Variants in NAA35 observed in about 807,000 individuals in gnomAD.
NAA35 encodes the protein N-alpha-acetyltransferase 35, NatC auxiliary subunit.
In NAA35, 18 loss-of-function variants were observed where a neutral mutation model predicts 101.7. The ratio of observed to expected loss-of-function variants is 0.18; its 90% CI spans 0.12 to 0.26. The LOEUF is 0.26. Ranked by LOEUF, NAA35 falls within the 10% of genes least tolerant of loss-of-function variation. The pLI, the probability that NAA35 is intolerant of heterozygous loss-of-function variation, is 1.00. For missense variants in NAA35, 601 were observed against 886.8 expected (o/e 0.68, Z 4.09); for synonymous variants, 267 against 273.1 (o/e 0.98, Z 0.22).
chr9:86,016,019 T>TTATA (rs145934950), intron 17 of NAA35, among the ~76,000 whole-genome samples: 5 of 150,336 alleles, frequency 3.3e-5, no homozygotes, highest in African/African-American at 4.9e-5. Context: ...ATATATATTT[T>TTATA]TATATATATA....
chr9:85,956,136 A>G (rs1829265305), intron 2 of NAA35, among the ~76,000 whole-genome samples: 1 of 152,090 alleles, frequency 6.6e-6, no homozygotes, highest in Non-Finnish European at 1.5e-5. Context: ...CAAAAGTATT[A>G]TTTTTTTCCT....
chr9:86,014,701 T>C (rs1832116271), intron 17 of NAA35, among the ~76,000 whole-genome samples: 1 of 152,220 alleles, frequency 6.6e-6, no homozygotes, highest in Non-Finnish European at 1.5e-5. Context: ...GTAATTCTCT[T>C]CCATGCTGTT....
rs1832589478 is a variant in NAA35 at position 86,022,118 on chromosome 9, A to G, written c.*158A>G. The G allele has an allele frequency of 2.3e-5, 13 of 572,722 alleles. No individual in the cohort carries two copies. The East Asian group carries it at 2.7e-4, about 12-fold the overall frequency. 35.5% of individuals were successfully genotyped at this position (572,722 alleles called of 1,614,324 possible). A position where few individuals can be genotyped will look rare whatever the true frequency, so the allele number is the denominator to read the frequency against. On this transcript the variant is annotated 3_prime_UTR_variant, in exon 23 of 23. Coordinates refer to ENST00000361671, the MANE Select transcript of NAA35 (RefSeq NM_024635.4). ...TTTTAGTTTGACAGCCTTATATGACATGAATGAAAACTGCTGTTTTAAAGT... is the reference window on the plus strand; with the variant it reads ...TTTTAGTTTGACAGCCTTATATGACGTGAATGAAAACTGCTGTTTTAAAGT...
chr9:85,955,487 C>T (rs993825205), intron 2 of NAA35, among the ~76,000 whole-genome samples: 5 of 150,128 alleles, frequency 3.3e-5, no homozygotes, highest in East Asian at 3.9e-4. Flanking sequence ...CTCAGCCTCC[C>T]GAGTAGCTGG....
intron 21 of NAA35, among the ~76,000 whole-genome samples, chr9:86,019,862 G>C (rs1458451797): frequency 1.3e-5 from 2 of 152,174 alleles, no homozygotes; most frequent in Non-Finnish European, 2.9e-5. Context: ...GAATATAAGA[G>C]TATTCATTGC....
intron 13 of NAA35, among the ~76,000 whole-genome samples, chr9:86,007,100 G>T (rs1831678496): frequency 6.6e-6 from 1 of 152,050 alleles, no homozygotes; most frequent in South Asian, 2.1e-4. Flanking sequence ...AGATTAGTCA[G>T]TTTATTTTGA....
At chr9:85,964,418 CCACAA>C (rs1486112275) in intron 6 of NAA35, among the ~76,000 whole-genome samples, 15 of 152,338 alleles carry the variant, frequency 9.8e-5, no homozygotes, top group African/African-American at 3.1e-4. Flanking sequence ...TCCTGCAGAA[CCACAA>C]CACAATTATC....
At chr9:86,008,546 T>C (rs1157430008) in intron 14 of NAA35, among the ~76,000 whole-genome samples, 1 of 152,216 alleles carries the variant, frequency 6.6e-6, no homozygotes. Context: ...GGTTATTCAT[T>C]GATCAGTGCA....
intron 4 of NAA35, among the ~76,000 whole-genome samples, chr9:85,959,203 C>T (rs765742757): frequency 6.6e-5 from 10 of 151,706 alleles, no homozygotes; most frequent in Non-Finnish European, 1.2e-4. Context: ...AGTGAAACCC[C>T]GTCTCTACTA....
chr9:85,955,428 TCTTGGCTCA>T (rs1397926064), intron 2 of NAA35, among the ~76,000 whole-genome samples: 2 of 143,896 alleles, frequency 1.4e-5, no homozygotes, highest in Non-Finnish European at 3.0e-5. Flanking sequence ...AGTGGCGTGA[TCTTGGCTCA>T]CTGCAAGCTC....
intron 11 of NAA35, among the ~76,000 whole-genome samples, chr9:85,989,677 A>C (rs1830815865): frequency 6.6e-6 from 1 of 152,180 alleles, no homozygotes; most frequent in Non-Finnish European, 1.5e-5. Context: ...TGAGACATAA[A>C]TGGAAAAGCT....
chr9:85,955,358 A>C (rs66495704), intron 2 of NAA35, among the ~76,000 whole-genome samples: 1 of 47,582 alleles, frequency 2.1e-5, no homozygotes, highest in Admixed American at 3.4e-4. Context: ...ATATATATAT[A>C]TATTTTTTTT....
Position 85,974,976 on chromosome 9 carries a change from C to A in NAA35, c.526C>A (p.Gln176Lys). Residue 176 changes from glutamine to lysine, a missense_variant, in exon 7 of 23, where the codon CAG becomes AAG. By Grantham distance (53) the Gln-to-Lys change is moderately conservative (BLOSUM62 1). Transcript: ENST00000361671. ...TTTCCTTTTTGTATAGGAAGATTTT[C>A]AGTCAATGACTTATGGATTTAAAAT... ...KAAVFEEEDF[Q>K]SMTYGFKMAN... 1 of 1,610,702 alleles carries A rather than the reference C, an allele frequency of 6.2e-7. No individual in the cohort carries two copies. Among genetic ancestry groups the A allele is most frequent in the South Asian group, 1.1e-5 (1 of 90,480 alleles).
chr9:85,954,839 G>A (rs990769870), intron 2 of NAA35, among the ~76,000 whole-genome samples: 11 of 152,134 alleles, frequency 7.2e-5, no homozygotes, highest in Non-Finnish European at 1.5e-4. Context: ...TTTTAACATG[G>A]CAAGTTCCTG....
At chr9:85,953,217 A>AT (rs750967213) in intron 2 of NAA35, among the ~76,000 whole-genome samples, 1,952 of 126,008 alleles carry the variant, frequency 0.015, 19 homozygotes, top group African/African-American at 0.032. Flanking sequence ...GCCTCAAGAG[A>AT]TTTTTTTTTT....
chr9:85,964,455 A>C (rs1829659558), intron 6 of NAA35, among the ~76,000 whole-genome samples: 1 of 152,192 alleles, frequency 6.6e-6, no homozygotes, highest in African/African-American at 2.4e-5. Context: ...ATCTGTAATA[A>C]CAATGCACTA....
intron 14 of NAA35, among the ~76,000 whole-genome samples, chr9:86,009,572 A>C (rs948453297): frequency 6.6e-6 from 1 of 152,112 alleles, no homozygotes; most frequent in Non-Finnish European, 1.5e-5. Flanking sequence ...TAGGGTCATG[A>C]AAAAGTAGAG....
intron 6 of NAA35, among the ~76,000 whole-genome samples, chr9:85,971,262 G>C (rs569740092): frequency 6.6e-6 from 1 of 152,120 alleles, no homozygotes; most frequent in East Asian, 1.9e-4. Flanking sequence ...CAGAGAACTG[G>C]TCTTTACCCA....
At chr9:85,955,858 C>G (rs1032321050) in intron 2 of NAA35, among the ~76,000 whole-genome samples, 4 of 152,168 alleles carry the variant, frequency 2.6e-5, no homozygotes, top group African/African-American at 9.7e-5. Context: ...TTGAGGACCA[C>G]TGCTTTATAG....
Sources: gnomAD v4.1 joint callset for allele counts (sites outside exome capture counted in the v4.1 genomes callset) on GRCh38, gnomAD v4.1.1 for gene constraint, MANE v1.5 for transcripts, NCBI Gene and HGNC (gene_info 2026-07-23, HGNC 2026-07-21) for gene names.